The following DENND4C variants were observed in gnomAD, a reference collection of about 807,000 sequenced individuals.
DENND4C encodes the protein DENN domain-containing protein 4C.
Under a neutral mutation model 203.0 loss-of-function variants are expected in DENND4C, and 108 were observed. The ratio of observed to expected loss-of-function variants is 0.53; its 90% CI spans 0.46 to 0.62. DENND4C has a LOEUF of 0.62. Among genes scored for constraint, DENND4C ranks in the 20% least tolerant of loss-of-function variants. The probability of loss-of-function intolerance (pLI) is 0.00; values close to 1 mark genes in which losing one functional copy is unlikely to be tolerated. For missense variants in DENND4C, 2,481 were observed against 2,301.2 expected, an observed-to-expected ratio of 1.08 and a Z score of -1.60; for synonymous variants, 871 against 792.4, an observed-to-expected ratio of 1.10 and a Z score of -1.67.
At chr9:19,348,132 A>G (rs1159452832) in intron 23 of DENND4C, among the ~76,000 whole-genome samples, 1 of 152,234 alleles carries the variant, frequency 6.6e-6, no homozygotes, top group Non-Finnish European at 1.5e-5. Flanking sequence ...ATATGAATAT[A>G]TACAAACATA....
chr9:19,362,430 G>GA (rs1826701499), intron 30 of DENND4C, among the ~76,000 whole-genome samples: 1 of 151,202 alleles, frequency 6.6e-6, no homozygotes, highest in South Asian at 2.1e-4. Flanking sequence ...CTGCTGGGAA[G>GA]AAAAAAAAGA....
intron 28 of DENND4C, 131 bp from the exon 29 acceptor site, chr9:19,360,113 C>A: frequency 1.1e-6 from 1 of 894,422 alleles, no homozygotes; most frequent in Non-Finnish European, 1.7e-6. Flanking sequence ...TTAGCATATT[C>A]TCTTGCATGT....
chr9:19,249,501 C>T (rs915785962), intron 1 of DENND4C, among the ~76,000 whole-genome samples: 2 of 152,156 alleles, frequency 1.3e-5, no homozygotes, highest in African/African-American at 4.8e-5. Flanking sequence ...AGTGATCCAC[C>T]TGCCTCGGCC....
chr9:19,231,212 G>A (rs1820456743), intron 1 of DENND4C, among the ~76,000 whole-genome samples: 2 of 152,196 alleles, frequency 1.3e-5, no homozygotes, highest in African/African-American at 2.4e-5. Flanking sequence ...GAGGGAGCAG[G>A]ATCGGGGCTT....
chr9:19,283,602 T>TTTTC (rs1322249960), intron 2 of DENND4C, among the ~76,000 whole-genome samples: 6 of 130,016 alleles, frequency 4.6e-5, no homozygotes, highest in East Asian at 2.2e-4. Flanking sequence ...TGCATTTCTT[T>TTTTC]TTTCTTTCTT....
At chr9:19,266,563 G>A (rs200476493) in intron 1 of DENND4C, among the ~76,000 whole-genome samples, 33 of 152,210 alleles carry the variant, frequency 2.2e-4, no homozygotes, top group African/African-American at 5.5e-4. Flanking sequence ...ATCATGCTAC[G>A]TGACTTCAAA....
At chr9:19,249,414 G>A (rs1030980989) in intron 1 of DENND4C, among the ~76,000 whole-genome samples, 17 of 151,582 alleles carry the variant, frequency 1.1e-4, no homozygotes, top group African/African-American at 3.9e-4. Context: ...CACCATGCCC[G>A]GCTAATTTTT....
chr9:19,245,597 C>T (rs956938521), intron 1 of DENND4C, among the ~76,000 whole-genome samples: 1 of 151,978 alleles, frequency 6.6e-6, no homozygotes, highest in African/African-American at 2.4e-5. Flanking sequence ...TGGCTCACTC[C>T]TGTAATCCCA....
chr9:19,269,841 G>C (rs1329104234), intron 1 of DENND4C, among the ~76,000 whole-genome samples: 2 of 152,160 alleles, frequency 1.3e-5, no homozygotes, highest in Non-Finnish European at 2.9e-5. Context: ...GGGCATTGAA[G>C]AGTTAGGTAT....
chr9:19,336,286 C>T lies in DENND4C; in HGVS notation c.2606C>T (p.Pro869Leu), dbSNP rs753820235. The change falls in exon 19 of 33, where the codon CCG becomes CTG. Residue 869 changes from proline to leucine, a missense_variant. Coordinates refer to ENST00000434457, the MANE Select transcript of DENND4C (RefSeq NM_001330640.2). ...GYYNKVVLES[P>L]WPSSTRSGIF... Reference sequence around the variant, plus strand: ...TACCTTTAGGTAGTCTTGGAGAGCCCGTGGCCTAGCAGTACCCGCAGTGGT... The same window carrying T: ...TACCTTTAGGTAGTCTTGGAGAGCCTGTGGCCTAGCAGTACCCGCAGTGGT... 9.9e-6 allele frequency: 16 copies of T among 1,612,830 alleles called. No individual in the cohort carries two copies. The highest frequency in any genetic ancestry group is 9.9e-5 in the South Asian group (9 of 90,828).
At chr9:19,350,128 A>G (rs1823749308) in intron 23 of DENND4C, among the ~76,000 whole-genome samples, 1 of 152,208 alleles carries the variant, frequency 6.6e-6, no homozygotes, top group Non-Finnish European at 1.5e-5. Context: ...TGTAGTTAAG[A>G]ACTACAGTGT....
At chr9:19,240,560 C>T (rs201981023) in intron 1 of DENND4C, among the ~76,000 whole-genome samples, 13 of 151,556 alleles carry the variant, frequency 8.6e-5, no homozygotes, top group Admixed American at 3.9e-4. Flanking sequence ...CAGCTACTTG[C>T]GAGGCTGAGG....
At position 19,308,171 on chromosome 9, in the gene DENND4C, T is replaced by C. The variant is rs369544060; in HGVS notation, c.1487+2644T>C. Among the ~76,000 whole-genome samples, 62 of 152,288 alleles carry C rather than the reference T, an allele frequency of 4.1e-4. 1 individual carries two copies. The South Asian group carries it at 0.011, about 28-fold the overall frequency. On this transcript the variant is annotated intron_variant, in intron 10 of 32. Coordinates refer to ENST00000434457, the MANE Select transcript of DENND4C (RefSeq NM_001330640.2). The stretch of plus-strand genomic sequence containing the variant: ...TGTTCTGATCATCGTATATATTTCC[T>C]TGAGTATATGCTCAGGAATTCCTCT...
chr9:19,231,978 T>C (rs953254471), intron 1 of DENND4C, among the ~76,000 whole-genome samples: 2 of 152,324 alleles, frequency 1.3e-5, no homozygotes, highest in East Asian at 3.9e-4. Context: ...TGATAGTGTG[T>C]ATTACTCTAT....
intron 12 of DENND4C, among the ~76,000 whole-genome samples, chr9:19,319,691 C>G (rs13298053): frequency 1.1e-3 from 163 of 151,852 alleles, no homozygotes; most frequent in African/African-American, 3.9e-3. Flanking sequence ...TTTCTAGGCC[C>G]TAAAGTTTTA....
At position 19,351,957 on chromosome 9, in the gene DENND4C, C is replaced by T. The variant is rs529554926; in HGVS notation, c.4496-116C>T. 8.9e-5 allele frequency: 65 copies of T among 729,496 alleles called. No homozygotes were observed. The African/African-American group carries it at 1.1e-3, about 12-fold the overall frequency. 45.2% of individuals were successfully genotyped at this position (729,496 alleles called of 1,614,324 possible). ...GTATGCATACATTTTTATACTGAGCCACTTGAAAAACAGTTGCAGACTTTA... is the reference window on the plus strand; with the variant it reads ...GTATGCATACATTTTTATACTGAGCTACTTGAAAAACAGTTGCAGACTTTA... On this transcript the variant is annotated intron_variant, in intron 24 of 32. Transcript: ENST00000434457.
At chr9:19,236,110 G>C (rs1255572443) in intron 1 of DENND4C, among the ~76,000 whole-genome samples, 2 of 151,442 alleles carry the variant, frequency 1.3e-5, no homozygotes, top group Non-Finnish European at 2.9e-5. Context: ...GATCTTAAAA[G>C]CATAAATGTT....
chr9:19,367,508 G>A (rs1228607405), intron 30 of DENND4C, among the ~76,000 whole-genome samples: 1 of 152,258 alleles, frequency 6.6e-6, no homozygotes, highest in Non-Finnish European at 1.5e-5. Flanking sequence ...GGCTGAGGCC[G>A]GCAGATCACT....
Position 19,363,777 on chromosome 9 carries a change from G to A in DENND4C, c.5524+1814G>A, listed in dbSNP as rs182976708. 1.4e-3 allele frequency among the ~76,000 whole-genome samples: 212 copies of A among 152,114 alleles called. 2 individuals carry two copies. The highest frequency in any genetic ancestry group is 4.5e-3 in the African/African-American group (188 of 41,524). On this transcript the variant is annotated intron_variant, in intron 30 of 32. Coordinates refer to ENST00000434457, the MANE Select transcript of DENND4C (RefSeq NM_001330640.2). ...TGTAATCCCAGCACTTTGGGAGATC[G>A]AGGCAGGTGGATCACTTGAGGTCAG... is the stretch of plus-strand genomic sequence containing the variant.
Sources: gnomAD v4.1 joint callset for allele counts (sites outside exome capture counted in the v4.1 genomes callset) on GRCh38, gnomAD v4.1.1 for gene constraint, MANE v1.5 for transcripts, NCBI Gene and HGNC (gene_info 2026-07-23, HGNC 2026-07-21) for gene names.